The following RAB11FIP4 variants were observed in gnomAD, a reference collection of about 807,000 sequenced individuals.
RAB11FIP4 encodes the protein rab11 family-interacting protein 4.
In RAB11FIP4, 23 loss-of-function variants were observed where a neutral mutation model predicts 74.3. The observed-to-expected ratio is 0.31, with a 90% CI of 0.22 to 0.44. The LOEUF (loss-of-function observed/expected upper bound fraction) is 0.44, where lower values mean the gene tolerates loss of function less well. Among genes scored for constraint, RAB11FIP4 ranks in the 20% least tolerant of loss-of-function variants. The probability of loss-of-function intolerance (pLI) is 1.00; values close to 1 mark genes in which losing one functional copy is unlikely to be tolerated. For missense variants in RAB11FIP4, 630 were observed against 863.9 expected (o/e 0.73, Z 3.39); for synonymous variants, 360 against 359.9 (o/e 1.00, Z 0.00).
At chr17:31,498,176 G>T (rs1399978381) in intron 3 of RAB11FIP4, among the ~76,000 whole-genome samples, 1 of 152,092 alleles carries the variant, frequency 6.6e-6, no homozygotes, top group East Asian at 1.9e-4. Flanking sequence ...TCCCTGGGAG[G>T]GAGAGTCTCC....
Position 31,525,693 on chromosome 17 carries a change from G to A in RAB11FIP4, c.1274+463G>A, listed in dbSNP as rs926804967. The stretch of plus-strand genomic sequence containing the variant: ...CAGCCCCGGGCCAGGGATCTGAGTT[G>A]GTCTCCCATTAGCTCCATGGCCTTG... On this transcript the variant is annotated intron_variant, in intron 10 of 14. Coordinates refer to ENST00000621161, the MANE Select transcript of RAB11FIP4 (RefSeq NM_032932.6). The A allele has an allele frequency of 9.0e-5, 16 of 177,868 alleles. No homozygotes were observed. In the East Asian group the frequency reaches 2.8e-3, roughly 31 times the overall value. 11.0% of individuals were successfully genotyped at this position (177,868 alleles called of 1,614,324 possible). A position where few individuals can be genotyped will look rare whatever the true frequency, so the allele number is the denominator to read the frequency against.
intron 3 of RAB11FIP4, among the ~76,000 whole-genome samples, chr17:31,494,180 C>T (rs1012235333): frequency 1.3e-5 from 2 of 151,958 alleles, no homozygotes; most frequent in Non-Finnish European, 2.9e-5. Flanking sequence ...ACCAAAATGC[C>T]TTCAGAGTCA....
At position 31,535,030 on chromosome 17, in the gene RAB11FIP4, C is replaced by G. The variant is rs1475897484; in HGVS notation, c.*3298C>G. ...TTTTTTCTTTTAGCTTTGAATTGGC[C>G]AGAGTTTATCCTAGATTATTTTATT... is the stretch of plus-strand genomic sequence containing the variant. On this transcript the variant is annotated 3_prime_UTR_variant, in exon 15 of 15. Coordinates refer to ENST00000621161, the MANE Select transcript of RAB11FIP4 (RefSeq NM_032932.6). 6.5e-6 allele frequency: 1 copy of G among 153,218 alleles called. No individual in the cohort carries two copies. Among genetic ancestry groups the G allele is most frequent in the Non-Finnish European group, 1.5e-5 (1 of 68,204 alleles). 9.5% of individuals were successfully genotyped at this position (153,218 alleles called of 1,614,324 possible).
chr17:31,500,849 C>T (rs1330564878), intron 3 of RAB11FIP4, among the ~76,000 whole-genome samples: 1 of 152,024 alleles, frequency 6.6e-6, no homozygotes, highest in Non-Finnish European at 1.5e-5. Flanking sequence ...ATGGTGAAAC[C>T]CCGTCTCTAC....
chr17:31,459,603 T>C (rs1289451574), intron 3 of RAB11FIP4, among the ~76,000 whole-genome samples: 1 of 152,186 alleles, frequency 6.6e-6, no homozygotes, highest in Non-Finnish European at 1.5e-5. Context: ...CCTGATGGGT[T>C]AACTCAGGAC....
chr17:31,433,243 G>C (rs2071326602), intron 2 of RAB11FIP4, among the ~76,000 whole-genome samples: 1 of 152,212 alleles, frequency 6.6e-6, no homozygotes, highest in Non-Finnish European at 1.5e-5. Flanking sequence ...GTCACTTCTG[G>C]AGTCCCAGGG....
chr17:31,393,996 A>G (rs755660277), intron 1 of RAB11FIP4, among the ~76,000 whole-genome samples: 7 of 152,130 alleles, frequency 4.6e-5, no homozygotes, highest in Non-Finnish European at 7.4e-5. Context: ...CTCTGCTTAT[A>G]TTAAGTTTCT....
chr17:31,432,738 C>T lies in RAB11FIP4; in HGVS notation c.247+838C>T, dbSNP rs1013206110. 5.9e-5 allele frequency among the ~76,000 whole-genome samples: 9 copies of T among 152,300 alleles called. 1 individual carries two copies. The highest frequency in any genetic ancestry group is 3.9e-4 in the Admixed American group (6 of 15,288). The stretch of plus-strand genomic sequence containing the variant: ...CCAGTTTTAAGGGGACAATATAAAT[C>T]CCTCTGTCTTGTCCCAAAAATTCAA... On this transcript the variant is annotated intron_variant, in intron 2 of 14. Coordinates refer to ENST00000621161, the MANE Select transcript of RAB11FIP4 (RefSeq NM_032932.6).
At chr17:31,408,084 G>A (rs1480042482) in intron 1 of RAB11FIP4, among the ~76,000 whole-genome samples, 4 of 151,880 alleles carry the variant, frequency 2.6e-5, no homozygotes, top group Non-Finnish European at 5.9e-5. Context: ...TCCCCAGCCT[G>A]TCATACCTTG....
At chr17:31,480,284 C>T (rs944349822) in intron 3 of RAB11FIP4, among the ~76,000 whole-genome samples, 3 of 151,944 alleles carry the variant, frequency 2.0e-5, no homozygotes, top group East Asian at 1.9e-4. Flanking sequence ...GGAGGAGGAG[C>T]GAGAACATTG....
In RAB11FIP4 at chr17:31,431,890, C is replaced by T. The variant is rs866129201; in HGVS notation, c.237C>T (p.Phe79=). ...TCAAGGACTTTTGCCGGGGGGTGTT[C>T]GCCATGAAAGGTGAGGTCTTCCCGG... ...INFKDFCRGV[F]AMKGCEELLK... Residue 79 remains phenylalanine, a synonymous_variant, in exon 2 of 15, where the codon TTC becomes TTT. Transcript: ENST00000621161. 10 of 1,612,218 alleles carry T rather than the reference C, an allele frequency of 6.2e-6. No individual in the cohort carries two copies. Among genetic ancestry groups the T allele is most frequent in the Middle Eastern group, 3.3e-4 (2 of 6,038 alleles).
Position 31,525,202 on chromosome 17 carries a change from G to T in RAB11FIP4, c.1246G>T (p.Ala416Ser), listed in dbSNP as rs1240212488. 2.6e-6 allele frequency: 4 copies of T among 1,548,468 alleles called. No homozygotes were observed. Among genetic ancestry groups the T allele is most frequent in the Non-Finnish European group, 3.5e-6 (4 of 1,146,806 alleles). The change falls in exon 10 of 15, where the codon GCT becomes TCT. Residue 416 changes from alanine (A) to serine (S), a missense_variant. By Grantham distance (99) the Ala-to-Ser change is moderately conservative (BLOSUM62 1). Coordinates refer to ENST00000621161, the MANE Select transcript of RAB11FIP4 (RefSeq NM_032932.6). ...EAYGKLEREK[A>S]TEVELLNARV... ...CTACGGCAAGCTGGAGAGGGAGAAG[G>T]CTACCGAGGTGGAGCTGCTCAATGC... is the stretch of plus-strand genomic sequence containing the variant.
At chr17:31,398,108 G>T (rs1000349023) in intron 1 of RAB11FIP4, among the ~76,000 whole-genome samples, 2 of 151,940 alleles carry the variant, frequency 1.3e-5, no homozygotes, top group African/African-American at 4.8e-5. Flanking sequence ...GGAGTGCAGT[G>T]GCTCGTTGCA....
intron 3 of RAB11FIP4, among the ~76,000 whole-genome samples, chr17:31,489,085 T>A (rs2071957977): frequency 6.6e-6 from 1 of 152,242 alleles, no homozygotes; most frequent in Non-Finnish European, 1.5e-5. Flanking sequence ...CCAGTTTTCC[T>A]TGACTGACCG....
At position 31,531,687 on chromosome 17, in the gene RAB11FIP4, C is replaced by A; in HGVS notation, c.1869C>A (p.Leu623=). ...GGCAGTACATGGACAAGATTATCCT[C>A]GCCATCCTGGACCACAATCCCTCCA... The part of the protein sequence containing the change: ...RLRQYMDKII[L]AILDHNPSIL... The change falls in exon 15 of 15, where the codon CTC becomes CTA. Residue 623 remains leucine, a synonymous_variant. Transcript: ENST00000621161. 6.2e-7 allele frequency: 1 copy of A among 1,614,070 alleles called. No homozygotes were observed. The highest frequency in any genetic ancestry group is 8.5e-7 in the Non-Finnish European group (1 of 1,179,924).
intron 3 of RAB11FIP4, among the ~76,000 whole-genome samples, chr17:31,474,705 G>A (rs944218064): frequency 6.6e-6 from 1 of 151,516 alleles, no homozygotes; most frequent in Non-Finnish European, 1.5e-5. Flanking sequence ...GTTTAAAGGA[G>A]AGATCCGGTG....
chr17:31,425,270 C>T (rs143717053), intron 1 of RAB11FIP4, among the ~76,000 whole-genome samples: 2 of 152,346 alleles, frequency 1.3e-5, no homozygotes, highest in African/African-American at 2.4e-5. Context: ...AAGGAAGGCT[C>T]GCTAAGCATT....
At chr17:31,392,909 T>C (rs142857140) in intron 1 of RAB11FIP4, among the ~76,000 whole-genome samples, 2 of 152,238 alleles carry the variant, frequency 1.3e-5, no homozygotes, top group Non-Finnish European at 2.9e-5. Context: ...TCCAAGGCCA[T>C]CTAAGGCCTC....
chr17:31,462,697 T>C (rs939155935), intron 3 of RAB11FIP4, among the ~76,000 whole-genome samples: 4 of 152,104 alleles, frequency 2.6e-5, no homozygotes, highest in African/African-American at 9.7e-5. Flanking sequence ...AGTGCAGTGG[T>C]GTGATTTTGG....
Sources: gnomAD v4.1 joint callset for allele counts (sites outside exome capture counted in the v4.1 genomes callset) on GRCh38, gnomAD v4.1.1 for gene constraint, MANE v1.5 for transcripts, NCBI Gene and HGNC (gene_info 2026-07-23, HGNC 2026-07-21) for gene names.